PRKG1: variants seen among roughly 807,000 people sequenced by gnomAD.
PRKG1 encodes cGMP-dependent protein kinase 1.
PRKG1 carries 35 observed loss-of-function variants against 88.1 expected under a neutral mutation model. That is an observed-to-expected ratio of 0.40 (90% CI 0.30 to 0.53). The LOEUF is 0.53. Ranked by LOEUF, PRKG1 falls within the 20% of genes least tolerant of loss-of-function variation. PRKG1 has a pLI of 0.59. For synonymous variants in PRKG1, 303 were observed against 292.5 expected, an observed-to-expected ratio of 1.04 and a Z score of -0.37; for missense variants, 540 against 839.8, an observed-to-expected ratio of 0.64 and a Z score of 4.41.
chr10:51,098,997 T>A (rs926502770), intron 1 of PRKG1, among the ~76,000 whole-genome samples: 4 of 152,088 alleles, frequency 2.6e-5, no homozygotes, highest in African/African-American at 9.7e-5. Flanking sequence ...CCTCAGAGAG[T>A]TGTAATTTTT....
chr10:51,745,230 G>A (rs936867913), intron 3 of PRKG1, among the ~76,000 whole-genome samples: 2 of 151,950 alleles, frequency 1.3e-5, no homozygotes, highest in African/African-American at 4.8e-5. Flanking sequence ...GCCAATCATT[G>A]GGAAAAGTTT....
intron 3 of PRKG1, among the ~76,000 whole-genome samples, chr10:51,559,372 G>T (rs1438085441): frequency 6.6e-6 from 1 of 152,048 alleles, no homozygotes; most frequent in Non-Finnish European, 1.5e-5. Flanking sequence ...AGTAAATAAT[G>T]CATACAACTG....
rs1589769271 is a variant in PRKG1 at position 52,298,263 on chromosome 10, T to C, written c.*4363T>C. The C allele has an allele frequency of 1.3e-5, 2 of 151,798 alleles. No individual in the cohort carries two copies. The highest frequency in any genetic ancestry group is 4.2e-4 in the South Asian group (2 of 4,784). The allele number at this position is 151,798 out of a possible 1,614,324, so 9.4% of individuals were successfully genotyped here. A position where few individuals can be genotyped will look rare whatever the true frequency, so the allele number is the denominator to read the frequency against. ...TTTTTCATAAATTTACCTGCTTTGA[T>C]TTGCTCTGTATTTTTCCTGCAGCTG... On this transcript the variant is annotated 3_prime_UTR_variant, in exon 18 of 18. Transcript: ENST00000373980.
intron 10 of PRKG1, chr10:52,252,145 C>T (rs1841187250): frequency 6.5e-6 from 1 of 153,868 alleles, no homozygotes; most frequent in Non-Finnish European, 1.4e-5. Context: ...TTGCAAGTAC[C>T]TATTTCTAGT....
chr10:51,082,030 G>A (rs7904024), intron 1 of PRKG1, among the ~76,000 whole-genome samples: 81,370 of 151,986 alleles, frequency 0.54, 23,339 homozygotes, highest in East Asian at 0.8. Flanking sequence ...AAAGTGCTGG[G>A]AATACATATG....
At chr10:51,600,518 A>C (rs561824020) in intron 3 of PRKG1, among the ~76,000 whole-genome samples, 20 of 152,336 alleles carry the variant, frequency 1.3e-4, no homozygotes, top group Non-Finnish European at 2.1e-4. Context: ...AGAAAATTTA[A>C]AATTTTCTAG....
intron 7 of PRKG1, among the ~76,000 whole-genome samples, chr10:52,067,509 C>A (rs1007884795): frequency 3.9e-5 from 6 of 152,188 alleles, no homozygotes; most frequent in African/African-American, 1.4e-4. Context: ...CAGAACTCAG[C>A]CTCATGACTA....
chr10:52,282,320 T>C lies in PRKG1; in HGVS notation c.1709+4T>C. The C allele has an allele frequency of 6.3e-7, 1 of 1,583,368 alleles. No homozygotes were observed. The highest frequency in any genetic ancestry group is 8.6e-7 in the Non-Finnish European group (1 of 1,162,782). ...TGTATGAACTCCTGACTGGCAGGTA[T>C]GGATATTGATAGGGAACTGCTGATA... On this transcript the variant is annotated splice_donor_region_variant and intron_variant, in intron 14 of 17. Transcript: ENST00000373980.
At chr10:52,208,116 C>T (rs530469723) in intron 9 of PRKG1, among the ~76,000 whole-genome samples, 115 of 152,248 alleles carry the variant, frequency 7.6e-4, no homozygotes, top group African/African-American at 2.6e-3. Context: ...AATCTGTCTC[C>T]AGAATTTGTC....
chr10:52,274,064 T>TTAAAC (rs1841803303), intron 12 of PRKG1, among the ~76,000 whole-genome samples: 1 of 152,092 alleles, frequency 6.6e-6, no homozygotes, highest in African/African-American at 2.4e-5. Flanking sequence ...ACAGGTGGAA[T>TTAAAC]TAAACATGAA....
rs368592035 is a variant in PRKG1, at chr10:51,092,200, A to G, written c.311+17299A>G. 3.3e-5 allele frequency among the ~76,000 whole-genome samples: 5 copies of G among 152,298 alleles called. No homozygotes were observed. The South Asian group carries it at 6.2e-4, about 19-fold the overall frequency. ...CAAAGGGAGAGAAGAGATTTGATTG[A>G]TGAAATAAAGGAATGGACAAGCATA... is the stretch of plus-strand genomic sequence containing the variant. On this transcript the variant is annotated intron_variant, in intron 1 of 17. Transcript: ENST00000373980.
At chr10:51,516,208 G>A (rs941875745) in intron 3 of PRKG1, among the ~76,000 whole-genome samples, 1 of 152,108 alleles carries the variant, frequency 6.6e-6, no homozygotes, top group Admixed American at 6.5e-5. Context: ...ATGGGGATGG[G>A]AAGGGAAGGT....
At chr10:51,144,761 G>A (rs1467010162) in intron 1 of PRKG1, among the ~76,000 whole-genome samples, 2 of 152,144 alleles carry the variant, frequency 1.3e-5, no homozygotes, top group African/African-American at 4.8e-5. Context: ...GAGTATGTCA[G>A]AGTAGAAAAT....
rs2132705021 is a variant in PRKG1 at position 50,991,323 on chromosome 10, G to GCCA, written c.-54_-53insACC. 3 of 1,480,972 alleles carry GCCA rather than the reference G, an allele frequency of 2.0e-6. No homozygotes were observed. 91.7% of individuals were successfully genotyped at this position (1,480,972 alleles called of 1,614,324 possible). A position where few individuals can be genotyped will look rare whatever the true frequency, so the allele number is the denominator to read the frequency against. On this transcript the variant is annotated 5_prime_UTR_variant, in exon 1 of 18. Transcript: ENST00000401604. The surrounding 1 kb of genome is among the most constrained non-coding windows in gnomAD (Gnocchi z 4.5). Reference sequence around the variant, plus strand: ...GGCTGCCGTCCCAGCCGCCGCCGCCGCCGCCGCCGCCGCCGCCGCCCGAGA... The same window carrying GCCA: ...GGCTGCCGTCCCAGCCGCCGCCGCCGCCACCGCCGCCGCCGCCGCCGCCCGAGA...
At chr10:51,698,492 C>T (rs754061074) in intron 3 of PRKG1, 1 of 1,614,110 alleles carries the variant, frequency 6.2e-7, no homozygotes, top group Admixed American at 1.7e-5. Flanking sequence ...ACCCAGATAA[C>T]CTCTGGGCTC....
chr10:52,288,586 A>T, intron 14 of PRKG1, 140 bp from the exon 15 acceptor site: 1 of 971,650 alleles, frequency 1.0e-6, no homozygotes, highest in Non-Finnish European at 1.5e-6. Flanking sequence ...TTTTGCTATT[A>T]ATCTATTTTC....
chr10:51,640,532 A>G (rs1419895597), intron 3 of PRKG1, among the ~76,000 whole-genome samples: 1 of 152,208 alleles, frequency 6.6e-6, no homozygotes, highest in Non-Finnish European at 1.5e-5. Flanking sequence ...ATTGACCAAC[A>G]CTAACACACT....
Position 51,156,323 on chromosome 10 carries a change from A to ACACACACACACACACC in PRKG1, c.478+2994_478+2995insACACACACACACACCC, listed in dbSNP as rs796364856. Among the ~76,000 whole-genome samples, 102 of 151,238 alleles carry ACACACACACACACACC rather than the reference A, an allele frequency of 6.7e-4. 2 individuals carry two copies. The highest frequency in any genetic ancestry group is 5.2e-4 in the Non-Finnish European group (35 of 67,648). ...CACACACACACACACAAACACACAC[A>ACACACACACACACACC]CCCGAATGTAACAAAATAAGAAAGA... On this transcript the variant is annotated intron_variant, in intron 2 of 17. Coordinates refer to ENST00000373980, the MANE Select transcript of PRKG1 (RefSeq NM_006258.4).
intron 5 of PRKG1, among the ~76,000 whole-genome samples, chr10:52,034,850 A>G (rs1845566213): frequency 6.6e-6 from 1 of 152,194 alleles, no homozygotes; most frequent in Admixed American, 6.5e-5. Flanking sequence ...AGGAGTGTCT[A>G]TACAGGAGCT....
Sources: allele counts gnomAD v4.1 joint callset (sites outside exome capture counted in the v4.1 genomes callset), GRCh38; gene constraint gnomAD v4.1.1; non-coding constraint Gnocchi (gnomAD v3.1); transcripts MANE v1.5; gene names NCBI Gene and HGNC (gene_info 2026-07-23, HGNC 2026-07-21).